The following TFDP2 variants were observed in gnomAD, a reference collection of about 807,000 sequenced individuals.
TFDP2 encodes the protein transcription factor Dp-2 (E2F dimerization partner 2).
In TFDP2, 17 loss-of-function variants were observed where a neutral mutation model predicts 59.3. The observed-to-expected ratio is 0.29, with a 90% CI of 0.20 to 0.43. The LOEUF (loss-of-function observed/expected upper bound fraction) is 0.43, where lower values mean the gene tolerates loss of function less well. TFDP2 is among the 20% of genes least tolerant of loss of function. The probability of loss-of-function intolerance (pLI) is 1.00; values close to 1 mark genes in which losing one functional copy is unlikely to be tolerated. For missense variants in TFDP2, 391 were observed against 528.8 expected (o/e 0.74, Z 2.56); for synonymous variants, 180 against 194.7 (o/e 0.92, Z 0.63).
intron 8 of TFDP2, among the ~76,000 whole-genome samples, chr3:141,971,830 C>T (rs1939812459): frequency 6.6e-6 from 1 of 152,218 alleles, no homozygotes; most frequent in Admixed American, 6.5e-5. Flanking sequence ...CTGCCTCTAT[C>T]CGCCTTTGCT....
chr3:141,995,883 CAAA>C (rs146557075), intron 4 of TFDP2, among the ~76,000 whole-genome samples: 3 of 67,920 alleles, frequency 4.4e-5, no homozygotes, highest in South Asian at 1.1e-3. Context: ...AACTCCATTT[CAAA>C]AAAAAAAAAA....
At chr3:142,017,267 G>A (rs922140887) in intron 3 of TFDP2, among the ~76,000 whole-genome samples, 1 of 152,002 alleles carries the variant, frequency 6.6e-6, no homozygotes, top group African/African-American at 2.4e-5. Context: ...ACAACAATAG[G>A]GGCTTTGTCA....
intron 3 of TFDP2, among the ~76,000 whole-genome samples, chr3:142,018,053 C>T (rs1004132373): frequency 1.3e-5 from 2 of 152,136 alleles, no homozygotes; most frequent in Non-Finnish European, 2.9e-5. Context: ...GGCGATTCTC[C>T]TGCCTCAGCC....
chr3:142,017,637 G>A (rs4683660), intron 3 of TFDP2, among the ~76,000 whole-genome samples: 1 of 136,214 alleles, frequency 7.3e-6, no homozygotes, highest in African/African-American at 2.7e-5. Flanking sequence ...ACTGCAACCT[G>A]TGCCTGCCGG....
At chr3:142,075,672 G>A (rs1481860358) in intron 3 of TFDP2, among the ~76,000 whole-genome samples, 2 of 145,708 alleles carry the variant, frequency 1.4e-5, no homozygotes, top group Non-Finnish European at 3.0e-5. Context: ...AAGGCAGGAG[G>A]ATCTCTTGAG....
At chr3:142,009,596 C>T (rs1250579277) in intron 3 of TFDP2, among the ~76,000 whole-genome samples, 1 of 151,626 alleles carries the variant, frequency 6.6e-6, no homozygotes, top group Non-Finnish European at 1.5e-5. Flanking sequence ...CCTGTAATCC[C>T]AGCTACTTGG....
At chr3:142,114,081 C>G (rs1420212595) in intron 1 of TFDP2, among the ~76,000 whole-genome samples, 1 of 151,700 alleles carries the variant, frequency 6.6e-6, no homozygotes, top group Non-Finnish European at 1.5e-5. Flanking sequence ...AGGAGAATGG[C>G]GTGAACCCGG....
At position 142,005,431 on chromosome 3, in the gene TFDP2, A is replaced by G. The variant is rs1944132926; in HGVS notation, c.186+10T>C. 1.3e-6 allele frequency: 2 copies of G among 1,567,842 alleles called. No homozygotes were observed. Among genetic ancestry groups the G allele is most frequent in the Non-Finnish European group, 1.7e-6 (2 of 1,145,466 alleles). ...AAAGTTTCAATTCTAAGATTTGATAATTTTCTTACCATTTGGGGTCCAACA... is the reference window on the plus strand; with the variant it reads ...AAAGTTTCAATTCTAAGATTTGATAGTTTTCTTACCATTTGGGGTCCAACA... On this transcript the variant is annotated intron_variant, in intron 4 of 12. Transcript: ENST00000489671.
chr3:142,056,195 G>A (rs951065793), intron 3 of TFDP2, among the ~76,000 whole-genome samples: 6 of 150,772 alleles, frequency 4.0e-5, no homozygotes, highest in South Asian at 2.1e-4. Flanking sequence ...CTCATGATCT[G>A]CCCACCTCGG....
rs62753560 is a variant in TFDP2 at position 142,018,929 on chromosome 3, G to GTTTTTT, written c.83-13391_83-13386dup. On this transcript the variant is annotated intron_variant, in intron 3 of 12. Coordinates refer to ENST00000489671, the MANE Select transcript of TFDP2 (RefSeq NM_001178139.2). ...ATGTCCACCTATTGGTTTTTGGTGA[G>GTTTTTT]TTTTTTTTTTTTTTTTTGGTAGAAC... is the stretch of plus-strand genomic sequence containing the variant. Among the ~76,000 whole-genome samples, 287 of 125,160 alleles carry GTTTTTT rather than the reference G, an allele frequency of 2.3e-3. 8 individuals carry two copies. Among genetic ancestry groups the GTTTTTT allele is most frequent in the African/African-American group, 8.3e-3 (270 of 32,508 alleles). 82.1% of individuals were successfully genotyped at this position (125,160 alleles called of 152,430 possible).
chr3:141,966,588 T>A (rs1938109318), intron 9 of TFDP2, among the ~76,000 whole-genome samples: 1 of 151,906 alleles, frequency 6.6e-6, no homozygotes, highest in Admixed American at 6.6e-5. Context: ...GCCCTTTGAT[T>A]GATTTCCTTT....
intron 3 of TFDP2, among the ~76,000 whole-genome samples, chr3:142,073,600 T>A (rs1042117293): frequency 6.6e-6 from 1 of 151,840 alleles, no homozygotes; most frequent in Non-Finnish European, 1.5e-5. Flanking sequence ...TATGCCCTCT[T>A]CCAAAAAGTC....
intron 1 of TFDP2, among the ~76,000 whole-genome samples, chr3:142,145,146 C>T (rs73236042): frequency 0.084 from 12,774 of 152,134 alleles, 659 homozygotes; most frequent in Middle Eastern, 0.14. Flanking sequence ...TATCAATGAA[C>T]TGGAGGAAAT....
At chr3:142,142,230 T>C (rs540297500) in intron 1 of TFDP2, among the ~76,000 whole-genome samples, 18 of 152,326 alleles carry the variant, frequency 1.2e-4, no homozygotes, top group Admixed American at 1.0e-3. Context: ...GTATTATTAA[T>C]AGAAGTGATA....
chr3:142,105,899 AAT>A (rs1265075058), intron 1 of TFDP2, among the ~76,000 whole-genome samples: 1 of 152,196 alleles, frequency 6.6e-6, no homozygotes, highest in Admixed American at 6.5e-5. Context: ...CACTTAATTA[AAT>A]GAGTCAATAC....
chr3:141,998,134 G>A (rs1349169266), intron 4 of TFDP2, among the ~76,000 whole-genome samples: 1 of 152,190 alleles, frequency 6.6e-6, no homozygotes, highest in East Asian at 1.9e-4. Context: ...CACCTGAATA[G>A]GAAAGATAAG....
intron 3 of TFDP2, among the ~76,000 whole-genome samples, chr3:142,040,396 C>T (rs1946902384): frequency 6.6e-6 from 1 of 152,048 alleles, no homozygotes. Flanking sequence ...TTGAGACCAC[C>T]CTGAGTAACG....
At position 142,071,328 on chromosome 3, in the gene TFDP2, T is replaced by A. The variant is rs1034094461; in HGVS notation, c.82+21733A>T. On this transcript the variant is annotated intron_variant, in intron 3 of 12. Transcript: ENST00000489671. ...CACACCACCGCACCGGGCTGATTAT[T>A]TATATTTTTAGTAGAGATGGGGTTT... Among the ~76,000 whole-genome samples the A allele has an allele frequency of 3.3e-5, 5 of 151,968 alleles. No homozygotes were observed. The East Asian group carries it at 9.6e-4, about 29-fold the overall frequency.
chr3:142,111,301 T>G (rs1392048442), intron 1 of TFDP2, among the ~76,000 whole-genome samples: 1 of 151,520 alleles, frequency 6.6e-6, no homozygotes, highest in East Asian at 2.0e-4. Flanking sequence ...TGGTGGCACA[T>G]GCCTGTAATC....
Sources: gnomAD v4.1 joint callset for allele counts (sites outside exome capture counted in the v4.1 genomes callset) on GRCh38, gnomAD v4.1.1 for gene constraint, MANE v1.5 for transcripts, NCBI Gene and HGNC (gene_info 2026-07-23, HGNC 2026-07-21) for gene names.